Variants in EDIL3 observed in about 807,000 individuals in gnomAD.
The protein encoded by EDIL3 is EGF-like repeat and discoidin I-like domain-containing protein 3.
EDIL3 carries 37 observed loss-of-function variants against 67.4 expected under a neutral mutation model. The observed-to-expected ratio is 0.55, with a 90% CI of 0.42 to 0.72. The LOEUF is 0.72. Among genes scored for constraint, EDIL3 ranks in the 30% least tolerant of loss-of-function variants. The pLI, the probability that EDIL3 is intolerant of heterozygous loss-of-function variation, is 0.00. For missense variants in EDIL3, 527 were observed against 586.3 expected, an observed-to-expected ratio of 0.90 and a Z score of 1.04; for synonymous variants, 195 against 196.3, an observed-to-expected ratio of 0.99 and a Z score of 0.05.
intron 1 of EDIL3, among the ~76,000 whole-genome samples, chr5:84,304,218 A>T (rs1746220648): frequency 6.6e-6 from 1 of 152,196 alleles, no homozygotes; most frequent in Non-Finnish European, 1.5e-5. Context: ...TTCCTAGGTG[A>T]AAGCTGAACT....
intron 2 of EDIL3, among the ~76,000 whole-genome samples, chr5:84,242,470 G>A (rs1259229266): frequency 2.0e-5 from 3 of 152,126 alleles, no homozygotes; most frequent in Non-Finnish European, 2.9e-5. Context: ...TTCCAGTAGA[G>A]CATGCTCAGC....
At chr5:84,242,381 C>T (rs73142625) in intron 2 of EDIL3, among the ~76,000 whole-genome samples, 2,525 of 152,262 alleles carry the variant, frequency 0.017, 65 homozygotes, top group African/African-American at 0.057. Context: ...TCAACTCAGC[C>T]TGGCTAGCTT....
intron 3 of EDIL3, among the ~76,000 whole-genome samples, chr5:84,182,519 G>T (rs1349411864): frequency 6.6e-6 from 1 of 151,802 alleles, no homozygotes; most frequent in African/African-American, 2.4e-5. Flanking sequence ...AAAATCACCA[G>T]CATCACTTCA....
intron 10 of EDIL3, among the ~76,000 whole-genome samples, chr5:83,955,893 G>A (rs2112122082): frequency 6.6e-6 from 1 of 151,900 alleles, no homozygotes. Context: ...CATTGACAGT[G>A]TTTAATATTA....
chr5:84,059,804 A>T (rs1330646774), intron 9 of EDIL3, among the ~76,000 whole-genome samples: 1 of 152,178 alleles, frequency 6.6e-6, no homozygotes, highest in Non-Finnish European at 1.5e-5. Context: ...TGCAGTATCT[A>T]TGGTTTCCTT....
chr5:84,347,320 G>A (rs189957766), intron 1 of EDIL3, among the ~76,000 whole-genome samples: 1 of 152,224 alleles, frequency 6.6e-6, no homozygotes, highest in East Asian at 1.9e-4. Context: ...TTCAAACCTT[G>A]CATTATGAAG....
chr5:83,951,552 A>T (rs538679427), intron 10 of EDIL3, among the ~76,000 whole-genome samples: 79 of 151,770 alleles, frequency 5.2e-4, no homozygotes, highest in African/African-American at 1.8e-3. Context: ...TGGCCAAAAC[A>T]TAGGCAAAGG....
At chr5:84,346,956 A>T (rs1266389565) in intron 1 of EDIL3, among the ~76,000 whole-genome samples, 1 of 152,192 alleles carries the variant, frequency 6.6e-6, no homozygotes, top group South Asian at 2.1e-4. Flanking sequence ...ATTGCATAAA[A>T]GAATGCATTC....
chr5:84,082,204 C>CGAATAATA (rs1746983326), intron 6 of EDIL3, among the ~76,000 whole-genome samples: 1 of 152,182 alleles, frequency 6.6e-6, no homozygotes. Context: ...TACTCTACAC[C>CGAATAATA]TTTCCATGTG....
rs6149090 is a variant in EDIL3, at chr5:83,984,951, CCACACACACACA to C, written c.1138-21603_1138-21592del. On this transcript the variant is annotated intron_variant, in intron 9 of 10. Coordinates refer to ENST00000296591, the MANE Select transcript of EDIL3 (RefSeq NM_005711.5). ...GCACACACACGTATGCAAACATACA[CCACACACACACA>C]CACACACACACACACCCCATAAACA... 6.6e-3 allele frequency among the ~76,000 whole-genome samples: 984 copies of C among 149,858 alleles called. 12 individuals are homozygous for C. The highest frequency in any genetic ancestry group is 0.023 in the African/African-American group (946 of 40,830).
At chr5:84,027,176 T>C (rs1745830576) in intron 9 of EDIL3, among the ~76,000 whole-genome samples, 1 of 152,208 alleles carries the variant, frequency 6.6e-6, no homozygotes, top group African/African-American at 2.4e-5. Flanking sequence ...TAGATTACAT[T>C]AGCTATGTTA....
chr5:84,037,658 G>A (rs1412478822), intron 9 of EDIL3, among the ~76,000 whole-genome samples: 1 of 151,986 alleles, frequency 6.6e-6, no homozygotes, highest in African/African-American at 2.4e-5. Context: ...TTTAATTAAT[G>A]ACGTTATTTA....
chr5:84,103,964 A>G (rs1447102993), intron 6 of EDIL3, among the ~76,000 whole-genome samples: 1 of 152,116 alleles, frequency 6.6e-6, no homozygotes, highest in Non-Finnish European at 1.5e-5. Context: ...CATGGAATCA[A>G]CCGAAATGCC....
intron 10 of EDIL3, among the ~76,000 whole-genome samples, chr5:83,951,098 A>C (rs974681962): frequency 1.3e-5 from 2 of 151,784 alleles, no homozygotes; most frequent in African/African-American, 2.4e-5. Flanking sequence ...TGCTTATTTA[A>C]CTTCAAAAAT....
At chr5:84,291,917 A>G (rs574537799) in intron 1 of EDIL3, among the ~76,000 whole-genome samples, 3 of 151,650 alleles carry the variant, frequency 2.0e-5, no homozygotes, top group South Asian at 2.1e-4. Flanking sequence ...AGAGCATCAA[A>G]TTATATTTTT....
chr5:84,074,155 C>A (rs949265801), intron 6 of EDIL3, among the ~76,000 whole-genome samples: 2 of 151,254 alleles, frequency 1.3e-5, no homozygotes, highest in East Asian at 3.9e-4. Flanking sequence ...ATGTAGAAAG[C>A]GGAAACTGGA....
chr5:84,304,226 A>G (rs1411406814), intron 1 of EDIL3, among the ~76,000 whole-genome samples: 1 of 152,204 alleles, frequency 6.6e-6, no homozygotes, highest in East Asian at 1.9e-4. Flanking sequence ...TGAAAGCTGA[A>G]CTGGTAACAA....
At chr5:84,245,914 T>A (rs1444182697) in intron 2 of EDIL3, among the ~76,000 whole-genome samples, 11 of 144,016 alleles carry the variant, frequency 7.6e-5, no homozygotes, top group Non-Finnish European at 9.2e-5. Context: ...TTCTAAAATG[T>A]AAAAAAAAAA....
intron 2 of EDIL3, among the ~76,000 whole-genome samples, chr5:84,242,793 TAAA>T (rs373595978): frequency 5.8e-5 from 7 of 120,852 alleles, no homozygotes; most frequent in Non-Finnish European, 6.5e-5. Context: ...GACCCTATCT[TAAA>T]AAAAAAAAAA....
Sources: gnomAD v4.1 joint callset for allele counts (sites outside exome capture counted in the v4.1 genomes callset) on GRCh38, gnomAD v4.1.1 for gene constraint, MANE v1.5 for transcripts, NCBI Gene and HGNC (gene_info 2026-07-23, HGNC 2026-07-21) for gene names.